Variants in DENND1B observed in about 807,000 individuals in gnomAD.
The protein encoded by DENND1B is DENN domain containing 1B.
A neutral mutation model predicts 90.1 loss-of-function variants in DENND1B; 59 were observed. That is an observed-to-expected ratio of 0.65 (90% CI 0.53 to 0.81). DENND1B has a LOEUF of 0.81. DENND1B is among the 40% of genes least tolerant of loss of function. DENND1B has a pLI of 0.00. For synonymous variants in DENND1B, 337 were observed against 324.6 expected (o/e 1.04, Z -0.41); for missense variants, 862 against 912.6 (o/e 0.94, Z 0.71).
At chr1:197,735,831 G>A (rs1662621175) in intron 2 of DENND1B, 8 of 1,606,700 alleles carry the variant, frequency 5.0e-6, no homozygotes, top group Non-Finnish European at 6.8e-6. Context: ...ACAATTGGAA[G>A]AAATTCAAAA....
chr1:197,615,232 C>T (rs1337792096), intron 11 of DENND1B, among the ~76,000 whole-genome samples: 1 of 151,118 alleles, frequency 6.6e-6, no homozygotes, highest in Non-Finnish European at 1.5e-5. Flanking sequence ...TACACACTCA[C>T]AGCTTGGCAA....
chr1:197,715,560 T>C (rs573989956), intron 2 of DENND1B, among the ~76,000 whole-genome samples: 3 of 151,836 alleles, frequency 2.0e-5, no homozygotes, highest in South Asian at 4.1e-4. Flanking sequence ...AAAACTGTAA[T>C]AATATTTGCC....
At chr1:197,700,774 A>T (rs1658943945) in intron 3 of DENND1B, among the ~76,000 whole-genome samples, 2 of 152,176 alleles carry the variant, frequency 1.3e-5, no homozygotes, top group Non-Finnish European at 2.9e-5. Context: ...AAAAGTAGGC[A>T]AAGGATATCA....
intron 16 of DENND1B, chr1:197,552,478 A>C: frequency 1.0e-6 from 1 of 985,518 alleles, no homozygotes; most frequent in Middle Eastern, 5.2e-4. Flanking sequence ...TTACACTAGA[A>C]GGATTAATTG....
chr1:197,614,139 TA>T (rs147816986), intron 11 of DENND1B, among the ~76,000 whole-genome samples: 2,793 of 150,760 alleles, frequency 0.019, 78 homozygotes, highest in African/African-American at 0.063. Context: ...AACACATTGA[TA>T]AAAATTGTTA....
At chr1:197,574,447 C>A (rs571020602) in intron 15 of DENND1B, among the ~76,000 whole-genome samples, 33 of 152,242 alleles carry the variant, frequency 2.2e-4, no homozygotes, top group African/African-American at 7.7e-4. Flanking sequence ...AAAGAGGACA[C>A]AAACAAATGG....
At chr1:197,547,464 C>T (rs1462827877) in intron 16 of DENND1B, among the ~76,000 whole-genome samples, 3 of 152,168 alleles carry the variant, frequency 2.0e-5, no homozygotes, top group Non-Finnish European at 4.4e-5. Flanking sequence ...TAATCAACAT[C>T]AGGCAAGAAG....
intron 14 of DENND1B, 24 bp from the exon 15 acceptor site, chr1:197,583,277 G>C (rs1256915993): frequency 6.2e-7 from 1 of 1,607,442 alleles, no homozygotes. Context: ...AAGATTTTAA[G>C]GGCATCAATA....
At chr1:197,778,369 G>A (rs891917636), upstream of DENND1B, among the ~76,000 whole-genome samples, 13 of 152,082 alleles carry the variant, frequency 8.5e-5, no homozygotes, top group Admixed American at 2.6e-4. Context: ...CAATTTGCAT[G>A]TATTAAAACT....
chr1:197,650,560 G>A (rs1434292398), intron 7 of DENND1B, among the ~76,000 whole-genome samples: 1 of 152,090 alleles, frequency 6.6e-6, no homozygotes, highest in Non-Finnish European at 1.5e-5. Context: ...AAACATACTT[G>A]CACACACACG....
chr1:197,655,532 CTTT>C (rs766590749), intron 6 of DENND1B, among the ~76,000 whole-genome samples: 2 of 142,238 alleles, frequency 1.4e-5, no homozygotes, highest in Non-Finnish European at 1.6e-5. Flanking sequence ...GCTACATTAA[CTTT>C]TTTTTTTTTT....
intron 2 of DENND1B, among the ~76,000 whole-genome samples, chr1:197,718,337 G>A (rs953376238): frequency 2.0e-5 from 3 of 150,946 alleles, no homozygotes; most frequent in Non-Finnish European, 3.0e-5. Flanking sequence ...TTTTAAGTGA[G>A]GTATCCTGTA....
intron 2 of DENND1B, among the ~76,000 whole-genome samples, chr1:197,717,996 T>C (rs933441986): frequency 3.3e-5 from 5 of 152,054 alleles, no homozygotes; most frequent in Non-Finnish European, 7.4e-5. Flanking sequence ...AGTATTTTTC[T>C]TGATTACGGG....
At chr1:197,591,812 C>T (rs1675230617) in intron 14 of DENND1B, among the ~76,000 whole-genome samples, 1 of 151,962 alleles carries the variant, frequency 6.6e-6, no homozygotes, top group Non-Finnish European at 1.5e-5. Context: ...GGAAACATAT[C>T]TTAAGAAGTG....
chr1:197,736,054 TA>T, intron 2 of DENND1B: 1 of 859,598 alleles, frequency 1.2e-6, no homozygotes, highest in South Asian at 1.4e-5. Context: ...AGCACCTAAG[TA>T]AATGATTGTG....
chr1:197,542,835 T>C (rs1015956038), intron 18 of DENND1B, among the ~76,000 whole-genome samples: 1 of 152,250 alleles, frequency 6.6e-6, no homozygotes, highest in Non-Finnish European at 1.5e-5. Flanking sequence ...AGATAAATGA[T>C]AAAAAAGTGA....
rs527572313 is a variant in DENND1B, at chr1:197,652,081, C to T, written c.447+154G>A. ...TGATAGTTACAGCATGTTAAAAAGA[C>T]ACAATATTATCACCTTGTTATGTTA... On this transcript the variant is annotated intron_variant, in intron 7 of 22. Transcript: ENST00000620048. Among the ~76,000 whole-genome samples the T allele has an allele frequency of 3.9e-5, 6 of 152,236 alleles. No homozygotes were observed. In the South Asian group the frequency reaches 8.3e-4, roughly 21 times the overall value.
At chr1:197,661,600 C>T (rs1654414757) in intron 5 of DENND1B, among the ~76,000 whole-genome samples, 1 of 152,014 alleles carries the variant, frequency 6.6e-6, no homozygotes, top group Non-Finnish European at 1.5e-5. Flanking sequence ...CCTGTTAATG[C>T]TTACATTGTC....
intron 20 of DENND1B, among the ~76,000 whole-genome samples, chr1:197,513,527 G>GA (rs372100855): frequency 1.3e-5 from 2 of 150,258 alleles, no homozygotes; most frequent in African/African-American, 4.9e-5. Context: ...GAATCTGGGG[G>GA]GTCACACTTT....
Sources: gnomAD v4.1 joint callset for allele counts (sites outside exome capture counted in the v4.1 genomes callset) on GRCh38, gnomAD v4.1.1 for gene constraint, MANE v1.5 for transcripts, NCBI Gene and HGNC (gene_info 2026-07-23, HGNC 2026-07-21) for gene names.